The following ESR1 variants were observed in gnomAD, a reference collection of about 807,000 sequenced individuals.
ESR1 encodes estrogen receptor 1.
In ESR1, 12 loss-of-function variants were observed where a neutral mutation model predicts 52.7. That is an observed-to-expected ratio of 0.23 (90% CI 0.15 to 0.37). The LOEUF is 0.37. ESR1 is among the 10% of genes least tolerant of loss of function. The pLI, the probability that ESR1 is intolerant of heterozygous loss-of-function variation, is 1.00. For synonymous variants in ESR1, 305 were observed against 316.8 expected, an observed-to-expected ratio of 0.96 and a Z score of 0.39; for missense variants, 584 against 779.7, an observed-to-expected ratio of 0.75 and a Z score of 2.99.
At chr6:151,680,204 C>CT (rs35600661) in intron 1 of ESR1, among the ~76,000 whole-genome samples, 26,242 of 126,730 alleles carry the variant, frequency 0.21, 3,229 homozygotes, top group South Asian at 0.28. Flanking sequence ...TTTCTTTTCT[C>CT]TTTTTTTTTT....
intron 1 of ESR1, chr6:151,809,040 G>A: frequency 3.7e-6 from 1 of 269,826 alleles, no homozygotes; most frequent in South Asian, 3.4e-5. Flanking sequence ...GCTGGCATGT[G>A]ACTTCTGACA....
rs143868124 is a variant in ESR1 at position 151,957,168 on chromosome 6, C to T, written c.1096+12660C>T. Among the ~76,000 whole-genome samples, 184 of 152,152 alleles carry T rather than the reference C, an allele frequency of 1.2e-3. 2 individuals are homozygous for T. The East Asian group carries it at 0.03, about 24-fold the overall frequency. On this transcript the variant is annotated intron_variant, in intron 4 of 7. Transcript: ENST00000206249. ...CTGGGATTACAGGTGTGAACCACCA[C>T]GTGCGACCCACATGTCTGTATATTA...
chr6:151,993,300 C>A (rs1053668424), intron 4 of ESR1, among the ~76,000 whole-genome samples: 8 of 152,192 alleles, frequency 5.3e-5, no homozygotes, highest in Non-Finnish European at 2.9e-5. Flanking sequence ...TGCTGACATA[C>A]TGTCCAATGA....
At chr6:151,699,037 G>A (rs1779579829) in intron 1 of ESR1, among the ~76,000 whole-genome samples, 1 of 152,178 alleles carries the variant, frequency 6.6e-6, no homozygotes. Flanking sequence ...TACAGCATTC[G>A]TGTTGCATAA....
At chr6:152,096,307 G>A (rs1048588899) in intron 7 of ESR1, among the ~76,000 whole-genome samples, 5 of 152,276 alleles carry the variant, frequency 3.3e-5, no homozygotes, top group African/African-American at 1.2e-4. Context: ...GGCCTATGAT[G>A]TCTTAAGGAG....
At chr6:151,671,155 A>G (rs1032499590) in intron 1 of ESR1, among the ~76,000 whole-genome samples, 12 of 152,212 alleles carry the variant, frequency 7.9e-5, no homozygotes, top group Non-Finnish European at 1.5e-5. Flanking sequence ...AATAATACAT[A>G]GAAAGTGAAG....
downstream of ESR1, among the ~76,000 whole-genome samples, chr6:152,104,984 C>T (rs1298847633): frequency 6.6e-6 from 1 of 152,080 alleles, no homozygotes; most frequent in Non-Finnish European, 1.5e-5. Flanking sequence ...CCATAAAAAA[C>T]CCAGGAGGAC....
chr6:152,037,308 G>A (rs552819306), intron 5 of ESR1, among the ~76,000 whole-genome samples: 3 of 152,196 alleles, frequency 2.0e-5, no homozygotes, highest in East Asian at 1.9e-4. Flanking sequence ...TCCCTTTATA[G>A]TAAGAATGAT....
At chr6:152,089,179 A>T (rs922600390) in intron 6 of ESR1, among the ~76,000 whole-genome samples, 1 of 152,242 alleles carries the variant, frequency 6.6e-6, no homozygotes, top group Non-Finnish European at 1.5e-5. Flanking sequence ...AAACAGATAC[A>T]AACCTCAAAA....
At chr6:152,079,653 C>T (rs1430494977) in intron 6 of ESR1, among the ~76,000 whole-genome samples, 1 of 152,146 alleles carries the variant, frequency 6.6e-6, no homozygotes, top group African/African-American at 2.4e-5. Context: ...GATGAGTTGA[C>T]AGAAGTAGGC....
intron 5 of ESR1, among the ~76,000 whole-genome samples, chr6:152,012,885 A>G (rs1398195632): frequency 6.6e-6 from 1 of 152,216 alleles, no homozygotes; most frequent in South Asian, 2.1e-4. Context: ...GCATTTCACT[A>G]TCTTTCTACA....
chr6:151,716,320 T>C (rs1235465085), intron 2 of ESR1, among the ~76,000 whole-genome samples: 2 of 152,168 alleles, frequency 1.3e-5, no homozygotes, highest in Non-Finnish European at 1.5e-5. Context: ...TGGGACCCAC[T>C]TGAGCAGGTA....
At chr6:151,812,501 CA>C (rs1290657526) in intron 1 of ESR1, among the ~76,000 whole-genome samples, 1 of 152,020 alleles carries the variant, frequency 6.6e-6, no homozygotes, top group Non-Finnish European at 1.5e-5. Flanking sequence ...TAAAGAAAGT[CA>C]AAACCCTGAT....
chr6:152,012,488 A>G (rs9340977), intron 5 of ESR1, among the ~76,000 whole-genome samples: 3 of 152,042 alleles, frequency 2.0e-5, no homozygotes, highest in Non-Finnish European at 4.4e-5. Flanking sequence ...TCATCACCGG[A>G]CTCCTAGGAG....
In ESR1 at chr6:151,733,461, A is replaced by G. The variant is rs184299521; in HGVS notation, c.-71+31456A>G. ...CACACATAGCAGATGCCCTATAACT[A>G]TCATCATTGTCATCGTCATTCTTAT... On this transcript the variant is annotated intron_variant, in intron 2 of 2. Transcript: ENST00000404742. Among the ~76,000 whole-genome samples the G allele has an allele frequency of 9.8e-5, 15 of 152,306 alleles. No individual in the cohort carries two copies. The East Asian group carries it at 2.9e-3, about 29-fold the overall frequency.
intron 5 of ESR1, among the ~76,000 whole-genome samples, chr6:152,038,168 T>C (rs1372921585): frequency 6.6e-6 from 1 of 152,220 alleles, no homozygotes; most frequent in East Asian, 1.9e-4. Context: ...TGGAGTCCAA[T>C]GTTTGAGGGC....
At chr6:151,707,868 A>G (rs959978014) in intron 2 of ESR1, among the ~76,000 whole-genome samples, 2 of 152,130 alleles carry the variant, frequency 1.3e-5, no homozygotes, top group Admixed American at 6.5e-5. Flanking sequence ...AACTTATTCT[A>G]TTATTAAATA....
chr6:151,877,220 C>T (rs1791999405), intron 2 of ESR1, among the ~76,000 whole-genome samples: 1 of 152,056 alleles, frequency 6.6e-6, no homozygotes, highest in African/African-American at 2.4e-5. Context: ...ACTAACTCGT[C>T]ATCTAGCATT....
At position 152,098,690 on chromosome 6, in the gene ESR1, G is replaced by C. The variant is rs371800154; in HGVS notation, c.1554-42G>C. 5 of 1,543,064 alleles carry C rather than the reference G, an allele frequency of 3.2e-6. No individual in the cohort carries two copies. Among genetic ancestry groups the C allele is most frequent in the Non-Finnish European group, 4.5e-6 (5 of 1,118,896 alleles). ...GGATTTCAGCACTCCTGGGGCTCGG[G>C]TTGGCTCTAAAGTAGTCCTTTCTGT... is the stretch of plus-strand genomic sequence containing the variant. On this transcript the variant is annotated intron_variant, in intron 7 of 7. Coordinates refer to ENST00000206249, the MANE Select transcript of ESR1 (RefSeq NM_000125.4). This position sits in a 1 kb window ranked among gnomAD's most constrained non-coding sequence, Gnocchi z 5.1.
Sources: allele counts gnomAD v4.1 joint callset (sites outside exome capture counted in the v4.1 genomes callset), GRCh38; gene constraint gnomAD v4.1.1; non-coding constraint Gnocchi (gnomAD v3.1); transcripts MANE v1.5; gene names NCBI Gene and HGNC (gene_info 2026-07-23, HGNC 2026-07-21).